Variants in CADM3 observed in about 807,000 individuals in gnomAD.
The protein encoded by CADM3 is TSLC1-like 1.
In CADM3, 11 loss-of-function variants were observed where a neutral mutation model predicts 44.9. That is an observed-to-expected ratio of 0.25 (90% CI 0.15 to 0.41). The LOEUF is 0.41. Among genes scored for constraint, CADM3 ranks in the 10% least tolerant of loss-of-function variants. CADM3 has a pLI of 1.00. For synonymous variants in CADM3, 207 were observed against 205.2 expected, an observed-to-expected ratio of 1.01 and a Z score of -0.08; for missense variants, 426 against 512.0, an observed-to-expected ratio of 0.83 and a Z score of 1.62.
intron 1 of CADM3, among the ~76,000 whole-genome samples, chr1:159,173,834 G>T (rs1282328255): frequency 6.6e-6 from 1 of 152,046 alleles, no homozygotes; most frequent in African/African-American, 2.4e-5. Flanking sequence ...ACTCTAAGAT[G>T]TAAAAAAAAA....
intron 8 of CADM3, among the ~76,000 whole-genome samples, chr1:159,200,518 GCACA>G (rs56164429): frequency 0.2 from 29,524 of 150,810 alleles, 3,009 homozygotes; most frequent in East Asian, 0.26. Context: ...ATGCGTGCAA[GCACA>G]CACACACACA....
At chr1:159,173,639 C>T (rs1048502917) in intron 1 of CADM3, among the ~76,000 whole-genome samples, 34 of 152,146 alleles carry the variant, frequency 2.2e-4, no homozygotes, top group African/African-American at 8.0e-4. Flanking sequence ...GTTTGTGCTT[C>T]ATTAATGACC....
chr1:159,189,660 C>A, intron 1 of CADM3: 1 of 765,262 alleles, frequency 1.3e-6, no homozygotes, highest in Non-Finnish European at 2.1e-6. Context: ...CCTGGTGAAC[C>A]TATTTTTCAC....
intron 3 of CADM3, among the ~76,000 whole-genome samples, 200 bp downstream of exon 3, chr1:159,192,930 G>C (rs1489667492): frequency 6.6e-6 from 1 of 152,154 alleles, no homozygotes; most frequent in East Asian, 1.9e-4. Context: ...GTTTGATCTA[G>C]GACAAGGTTC....
chr1:159,182,166 C>G (rs532041671), intron 1 of CADM3, among the ~76,000 whole-genome samples: 50 of 152,248 alleles, frequency 3.3e-4, no homozygotes, highest in African/African-American at 9.9e-4. Context: ...GCCCAATGGC[C>G]TCTTCTTCTG....
chr1:159,181,237 G>A (rs2852715), intron 1 of CADM3, among the ~76,000 whole-genome samples: 41,442 of 152,022 alleles, frequency 0.27, 5,908 homozygotes, highest in African/African-American at 0.34. Context: ...AGATAAATTG[G>A]GGGAAAGGGT....
chr1:159,171,653 A>G lies in CADM3; in HGVS notation c.-113A>G. 2.6e-6 allele frequency: 2 copies of G among 762,142 alleles called. No individual in the cohort carries two copies. The highest frequency in any genetic ancestry group is 1.8e-6 in the Non-Finnish European group (1 of 560,112). The allele number at this position is 762,142 out of a possible 1,614,324, so 47.2% of individuals were successfully genotyped here. A position where few individuals can be genotyped will look rare whatever the true frequency, so the allele number is the denominator to read the frequency against. The stretch of plus-strand genomic sequence containing the variant: ...TCCCCACCTCGGCCCCGGGCTCCGA[A>G]GCGGCTCGGGGGCGCCCTTTCGGTC... On this transcript the variant is annotated 5_prime_UTR_variant, in exon 1 of 9. Transcript: ENST00000368125.
chr1:159,182,790 T>C (rs1264437186), intron 1 of CADM3, among the ~76,000 whole-genome samples: 2 of 152,216 alleles, frequency 1.3e-5, no homozygotes, highest in Non-Finnish European at 2.9e-5. Flanking sequence ...GGCTGCAAGG[T>C]TTTAGGAACT....
intron 6 of CADM3, chr1:159,196,683 T>C: frequency 1.6e-6 from 1 of 639,378 alleles, no homozygotes; most frequent in Non-Finnish European, 2.7e-6. Flanking sequence ...CAAGTTAAAG[T>C]AAGATACAAG....
intron 1 of CADM3, among the ~76,000 whole-genome samples, chr1:159,180,385 C>T (rs1461535339): frequency 6.6e-6 from 1 of 151,974 alleles, no homozygotes; most frequent in African/African-American, 2.4e-5. Flanking sequence ...GTGTGTTTGC[C>T]CCCATCAAAT....
chr1:159,196,857 C>A, intron 6 of CADM3, 34 bp from the exon 7 acceptor site: 1 of 1,607,050 alleles, frequency 6.2e-7, no homozygotes, highest in South Asian at 1.1e-5. Context: ...GGCCTATGCT[C>A]TCCTGAGCTC....
intron 1 of CADM3, among the ~76,000 whole-genome samples, chr1:159,182,124 T>C (rs1207725913): frequency 6.6e-6 from 1 of 151,376 alleles, no homozygotes; most frequent in East Asian, 1.9e-4. Flanking sequence ...CAGTCACCCT[T>C]TTTAGCTCCA....
At chr1:159,182,980 C>T (rs1649288817) in intron 1 of CADM3, among the ~76,000 whole-genome samples, 1 of 152,190 alleles carries the variant, frequency 6.6e-6, no homozygotes, top group African/African-American at 2.4e-5. Flanking sequence ...CACAGGCAAG[C>T]TAGCTAACTA....
chr1:159,179,744 C>A (rs1452080100), intron 1 of CADM3, among the ~76,000 whole-genome samples: 2 of 152,140 alleles, frequency 1.3e-5, no homozygotes, highest in Admixed American at 6.5e-5. Flanking sequence ...GTCTGAAGAG[C>A]CTGGAGCTGA....
At chr1:159,181,912 G>A (rs1323050577) in intron 1 of CADM3, among the ~76,000 whole-genome samples, 1 of 152,090 alleles carries the variant, frequency 6.6e-6, no homozygotes, top group Non-Finnish European at 1.5e-5. Flanking sequence ...TCTGCCTCCA[G>A]ATTTTTTCTC....
chr1:159,197,007 C>A lies in CADM3; in HGVS notation c.899C>A (p.Thr300Lys). 6.2e-7 allele frequency: 1 copy of A among 1,614,164 alleles called. No homozygotes were observed. Residue 300 changes from threonine to lysine, a missense_variant, in exon 7 of 9, where the codon ACA becomes AAA. Around this residue, in one of 2 missense-constraint regions of CADM3, gnomAD observed 362 missense variants for 474.6 expected, o/e 0.76. Coordinates refer to ENST00000368125, the MANE Select transcript of CADM3 (RefSeq NM_001127173.3). ...NKSDSGTYGCTATSNMGSYKA... is the reference protein window; with the variant it reads ...NKSDSGTYGCKATSNMGSYKA... ...AGTGACAGTGGCACCTACGGCTGCA[C>A]AGCCACCAGCAACATGGGCAGCTAC...
chr1:159,172,686 A>ACCTAGCC lies in CADM3; in HGVS notation c.88+837_88+843dup, dbSNP rs895867309. ...TCCCAAATTTGGGATGGGGTAGCAT[A>ACCTAGCC]CCTAGCCCCTTTGCCCCAGTCTGGA... On this transcript the variant is annotated intron_variant, in intron 1 of 8. Transcript: ENST00000368125. 3.6e-4 allele frequency among the ~76,000 whole-genome samples: 55 copies of ACCTAGCC among 152,106 alleles called. 1 individual carries two copies. Among genetic ancestry groups the ACCTAGCC allele is most frequent in the Admixed American group, 3.5e-3 (54 of 15,282 alleles).
rs1035979727 is a variant in CADM3, at chr1:159,202,450, C to T, written c.*1528C>T. On this transcript the variant is annotated 3_prime_UTR_variant, in exon 9 of 9. Coordinates refer to ENST00000368125, the MANE Select transcript of CADM3 (RefSeq NM_001127173.3). ...AGCCTTTGCTATGCACCTCTCAGGC[C>T]TCTCCTTGGCGTTGACCCTGGAAAG... The T allele has an allele frequency of 2.6e-5, 4 of 152,860 alleles. No individual in the cohort carries two copies. The highest frequency in any genetic ancestry group is 9.6e-5 in the African/African-American group (4 of 41,582). The allele number at this position is 152,860 out of a possible 1,614,324, so 9.5% of individuals were successfully genotyped here.
chr1:159,197,070 C>G lies in CADM3; in HGVS notation c.952+10C>G. 1 of 1,612,120 alleles carries G rather than the reference C, an allele frequency of 6.2e-7. No individual in the cohort carries two copies. Among genetic ancestry groups the G allele is most frequent in the Non-Finnish European group, 8.5e-7 (1 of 1,178,464 alleles). ...ACCCTCAATGTTAATGGTAAGCCCTCCTCAGTTCTCTTCCTCCAGAATCTC... is the reference window on the plus strand; with the variant it reads ...ACCCTCAATGTTAATGGTAAGCCCTGCTCAGTTCTCTTCCTCCAGAATCTC... On this transcript the variant is annotated intron_variant, in intron 7 of 8. Coordinates refer to ENST00000368125, the MANE Select transcript of CADM3 (RefSeq NM_001127173.3).
Sources: gnomAD v4.1 joint callset for allele counts (sites outside exome capture counted in the v4.1 genomes callset) on GRCh38, gnomAD v4.1.1 for gene constraint, gnomAD v4.1.1 regional missense constraint, MANE v1.5 for transcripts, NCBI Gene and HGNC (gene_info 2026-07-23, HGNC 2026-07-21) for gene names.